The following COL4A2 variants were observed in gnomAD, a reference collection of about 807,000 sequenced individuals.
The protein encoded by COL4A2 is collagen type IV alpha 2 chain.
Under a neutral mutation model 200.2 loss-of-function variants are expected in COL4A2, and 99 were observed. The observed-to-expected ratio is 0.49, with a 90% CI of 0.42 to 0.58. COL4A2 has a LOEUF of 0.58. Among genes scored for constraint, COL4A2 ranks in the 20% least tolerant of loss-of-function variants. The probability of loss-of-function intolerance (pLI) is 0.00; values close to 1 mark genes in which losing one functional copy is unlikely to be tolerated. For missense variants in COL4A2, 1,950 were observed against 2,314.1 expected, an observed-to-expected ratio of 0.84 and a Z score of 3.23; for synonymous variants, 897 against 900.6, an observed-to-expected ratio of 1.00 and a Z score of 0.07.
At chr13:110,501,206 C>T (rs1456816505) in intron 40 of COL4A2, among the ~76,000 whole-genome samples, 1 of 152,240 alleles carries the variant, frequency 6.6e-6, no homozygotes, top group African/African-American at 2.4e-5. Flanking sequence ...ATCCGAGGCA[C>T]TGGAGGACAG....
At chr13:110,314,318 G>A (rs1024709350) in intron 3 of COL4A2, among the ~76,000 whole-genome samples, 3 of 152,172 alleles carry the variant, frequency 2.0e-5, no homozygotes, top group Admixed American at 2.0e-4. Flanking sequence ...TGGTGTGCAT[G>A]GGTCAGATGG....
At chr13:110,395,814 G>A (rs7991535) in intron 4 of COL4A2, among the ~76,000 whole-genome samples, 3,987 of 152,174 alleles carry the variant, frequency 0.026, 171 homozygotes, top group African/African-American at 0.092. Context: ...GTTTGGTGGC[G>A]CATGCCTGTA....
intron 3 of COL4A2, among the ~76,000 whole-genome samples, chr13:110,335,066 C>T (rs562710869): frequency 5.3e-5 from 8 of 152,178 alleles, no homozygotes; most frequent in South Asian, 2.1e-4. Context: ...CTGCAGAGGC[C>T]GAGCCCCCAG....
chr13:110,506,016 C>G (rs1212541099), intron 45 of COL4A2, among the ~76,000 whole-genome samples: 1 of 152,112 alleles, frequency 6.6e-6, no homozygotes, highest in Admixed American at 6.5e-5. Flanking sequence ...GTCTCCTGAT[C>G]TCAACAGACT....
At chr13:110,374,521 T>C (rs529150509) in intron 4 of COL4A2, among the ~76,000 whole-genome samples, 53 of 152,362 alleles carry the variant, frequency 3.5e-4, no homozygotes, top group Admixed American at 4.6e-4. Context: ...CACAGTTTTG[T>C]GAATTAAATA....
chr13:110,335,593 C>T (rs1876144967), intron 3 of COL4A2, among the ~76,000 whole-genome samples: 1 of 152,094 alleles, frequency 6.6e-6, no homozygotes, highest in African/African-American at 2.4e-5. Context: ...ATGTCTTTAT[C>T]AGCAGCATGA....
chr13:110,367,130 C>T (rs898737396), intron 4 of COL4A2, among the ~76,000 whole-genome samples: 1 of 152,186 alleles, frequency 6.6e-6, no homozygotes, highest in Non-Finnish European at 1.5e-5. Flanking sequence ...AGCCCTGTAT[C>T]GATGGCAGCT....
chr13:110,311,843 T>G (rs1349667336), intron 3 of COL4A2, among the ~76,000 whole-genome samples: 1 of 152,188 alleles, frequency 6.6e-6, no homozygotes, highest in Non-Finnish European at 1.5e-5. Context: ...TAGGCATCAG[T>G]GCGGGGCCCC....
intron 3 of COL4A2, among the ~76,000 whole-genome samples, chr13:110,308,917 T>C (rs1265347062): frequency 6.6e-6 from 1 of 152,208 alleles, no homozygotes; most frequent in Non-Finnish European, 1.5e-5. Context: ...CTCAAATGTT[T>C]AGACAGGAGC....
intron 18 of COL4A2, among the ~76,000 whole-genome samples, chr13:110,448,782 T>C (rs1337398470): frequency 6.6e-6 from 1 of 152,244 alleles, no homozygotes; most frequent in South Asian, 2.1e-4. Context: ...GTTGTCCTAG[T>C]TGTACTTTTC....
intron 20 of COL4A2, chr13:110,456,423 G>C (rs934451766): frequency 1.8e-5 from 5 of 272,052 alleles, no homozygotes; most frequent in South Asian, 1.8e-4. Flanking sequence ...TAGTTTTTTG[G>C]GGGGGAACCA....
At chr13:110,453,666 T>C (rs1176496358) in intron 20 of COL4A2, among the ~76,000 whole-genome samples, 1 of 152,238 alleles carries the variant, frequency 6.6e-6, no homozygotes, top group Non-Finnish European at 1.5e-5. Flanking sequence ...ATAAGTCAAC[T>C]GCGAACAATT....
At chr13:110,310,638 G>A (rs1187853182) in intron 3 of COL4A2, among the ~76,000 whole-genome samples, 3 of 152,088 alleles carry the variant, frequency 2.0e-5, no homozygotes, top group Non-Finnish European at 4.4e-5. Context: ...ATTTTCAACT[G>A]TATTGATTAA....
intron 12 of COL4A2, among the ~76,000 whole-genome samples, chr13:110,435,460 G>A (rs1382576244): frequency 6.6e-6 from 1 of 152,182 alleles, no homozygotes; most frequent in Non-Finnish European, 1.5e-5. Flanking sequence ...CAGGTACAAG[G>A]GAGGAGAACA....
At chr13:110,333,522 TG>T (rs1876024683) in intron 3 of COL4A2, among the ~76,000 whole-genome samples, 2 of 152,180 alleles carry the variant, frequency 1.3e-5, no homozygotes, top group African/African-American at 2.4e-5. Flanking sequence ...ATTCTCTTCA[TG>T]GGGGCGATTT....
chr13:110,329,293 A>G (rs1415835191), intron 3 of COL4A2, among the ~76,000 whole-genome samples: 1 of 152,220 alleles, frequency 6.6e-6, no homozygotes, highest in African/African-American at 2.4e-5. Context: ...CTCTGAGAGC[A>G]GCAACCACCC....
At chr13:110,446,009 C>T (rs767150824) in intron 17 of COL4A2, 127 bp downstream of exon 17, 21 of 944,534 alleles carry the variant, frequency 2.2e-5, no homozygotes, top group Admixed American at 5.9e-5. Flanking sequence ...CCCAAATACA[C>T]GGCCTCTGAC....
At chr13:110,321,241 CAT>C (rs72215699) in intron 3 of COL4A2, among the ~76,000 whole-genome samples, 2,838 of 141,092 alleles carry the variant, frequency 0.02, 80 homozygotes, top group African/African-American at 0.084. Context: ...CACACACACA[CAT>C]AGAGAGTGTA....
intron 3 of COL4A2, among the ~76,000 whole-genome samples, chr13:110,346,905 C>T (rs4771666): frequency 0.22 from 33,495 of 152,148 alleles, 4,109 homozygotes; most frequent in Admixed American, 0.29. Flanking sequence ...CATGAAAGAA[C>T]GGGGAAGACT....
Sources: gnomAD v4.1 joint callset for allele counts (sites outside exome capture counted in the v4.1 genomes callset) on GRCh38, gnomAD v4.1.1 for gene constraint, MANE v1.5 for transcripts, NCBI Gene and HGNC (gene_info 2026-07-23, HGNC 2026-07-21) for gene names.